The following TAAR5 variants were observed in gnomAD, a reference collection of about 807,000 sequenced individuals.
TAAR5 encodes trace amine associated receptor 5.
Under a neutral mutation model 21.1 loss-of-function variants are expected in TAAR5, and 27 were observed. The ratio of observed to expected loss-of-function variants is 1.28; its 90% confidence interval spans 0.94 to 1.76. TAAR5 has a LOEUF of 1.76. Ranked by LOEUF, TAAR5 falls within the 40% of genes most tolerant of loss-of-function variation. The pLI is 0.00. For missense variants in TAAR5, 495 were observed against 405.6 expected (o/e 1.22, Z -1.89); for synonymous variants, 203 against 167.5 (o/e 1.21, Z -1.64).
At chr6:132,600,352 C>G in the TAAR5 span, among the ~76,000 whole-genome samples, 9 of 152,110 alleles carry the variant, frequency 5.9e-5, no homozygotes, top group Non-Finnish European at 1.3e-4. Context: ...TGGCCAGGTC[C>G]AGGTCCAGGA....
At chr6:132,608,286 G>A in the TAAR5 span, 2 of 439,764 alleles carry the variant, frequency 4.5e-6, no homozygotes, top group Non-Finnish European at 9.0e-6. Context: ...TTTCTGAATG[G>A]GAGCTAAATA....
chr6:132,590,704 G>A (rs1162125934), upstream of TAAR5, among the ~76,000 whole-genome samples: 1 of 152,202 alleles, frequency 6.6e-6, no homozygotes, highest in African/African-American at 2.4e-5. Flanking sequence ...CTATTTGCAA[G>A]TCTCAGTTGT....
the TAAR5 span, among the ~76,000 whole-genome samples, chr6:132,600,239 T>C: frequency 6.6e-6 from 1 of 151,886 alleles, no homozygotes; most frequent in South Asian, 2.1e-4. Context: ...TTTAACTTCT[T>C]TTACCTAAAG....
At chr6:132,590,286 G>A (rs183848927), upstream of TAAR5, among the ~76,000 whole-genome samples, 1 of 152,270 alleles carries the variant, frequency 6.6e-6, no homozygotes, top group African/African-American at 2.4e-5. Context: ...AATTCAGCAT[G>A]CAAATATTAA....
the TAAR5 span, among the ~76,000 whole-genome samples, chr6:132,610,217 A>G: frequency 7.2e-5 from 11 of 152,180 alleles, no homozygotes; most frequent in South Asian, 4.1e-4. Flanking sequence ...TTGCTTCGGA[A>G]TACACATCAA....
chr6:132,597,272 T>G, the TAAR5 span, among the ~76,000 whole-genome samples: 1 of 152,096 alleles, frequency 6.6e-6, no homozygotes, highest in African/African-American at 2.4e-5. Context: ...TAAGTGTTAG[T>G]TTAAGACAAG....
the TAAR5 span, chr6:132,608,800 G>T: frequency 2.0e-5 from 9 of 455,992 alleles, no homozygotes; most frequent in Middle Eastern, 3.3e-4. Flanking sequence ...AGAAAAAAGA[G>T]CAGGAACTGA....
chr6:132,607,918 T>C, the TAAR5 span, among the ~76,000 whole-genome samples: 1 of 152,184 alleles, frequency 6.6e-6, no homozygotes, highest in Non-Finnish European at 1.5e-5. Context: ...AAAAAATTCT[T>C]ATATTGCTTT....
the TAAR5 span, among the ~76,000 whole-genome samples, chr6:132,613,955 T>C: frequency 6.6e-6 from 1 of 152,338 alleles, no homozygotes; most frequent in South Asian, 2.1e-4. Context: ...TATGTATGTA[T>C]GTACAAGCAT....
In TAAR5 at chr6:132,589,605, C is replaced by G; in HGVS notation, c.82G>C (p.Val28Leu). The G allele has an allele frequency of 6.2e-7, 1 of 1,613,966 alleles. No individual in the cohort carries two copies. Among genetic ancestry groups the G allele is most frequent in the East Asian group, 2.2e-5 (1 of 44,848 alleles). Residue 28 changes from valine (V) to leucine (L), a missense_variant, in exon 1 of 1, where the codon GTA becomes CTA. By Grantham distance (32) the Val-to-Leu change is conservative. Coordinates refer to ENST00000258034, the MANE Select transcript of TAAR5 (RefSeq NM_003967.3). ...YQVNGSCPRT[V>L]HTLGIQLVIY... is the part of the protein sequence containing the mutation. The stretch of plus-strand genomic sequence containing the variant: ...ACCAACTGGATGCCCAGAGTATGTA[C>G]TGTCCTGGGGCAAGACCCATTCACC...
At chr6:132,615,877 AACAC>A in the TAAR5 span, among the ~76,000 whole-genome samples, 22,850 of 145,026 alleles carry the variant, frequency 0.16, 3,914 homozygotes, top group African/African-American at 0.43. Flanking sequence ...ACCATGTATA[AACAC>A]ACACACACAC....
chr6:132,593,805 A>AT (rs1302338737), upstream of TAAR5, among the ~76,000 whole-genome samples: 1 of 152,194 alleles, frequency 6.6e-6, no homozygotes, highest in African/African-American at 2.4e-5. Context: ...AGACAGTCCA[A>AT]TTTTATCAAA....
upstream of TAAR5, among the ~76,000 whole-genome samples, chr6:132,591,141 C>G (rs1050394838): frequency 1.3e-5 from 2 of 152,194 alleles, no homozygotes; most frequent in Non-Finnish European, 2.9e-5. Flanking sequence ...CCTAACCTCT[C>G]TCTCTGCTTC....
chr6:132,601,124 G>A, the TAAR5 span, among the ~76,000 whole-genome samples: 1 of 146,206 alleles, frequency 6.8e-6, no homozygotes, highest in African/African-American at 2.5e-5. Context: ...AAGGAGGGAA[G>A]GAGGGAAAGA....
chr6:132,589,153 C>A lies in TAAR5; in HGVS notation c.534G>T (p.Arg178Ser). 1 of 1,610,512 alleles carries A rather than the reference C, an allele frequency of 6.2e-7. No homozygotes were observed. Among genetic ancestry groups the A allele is most frequent in the Non-Finnish European group, 8.5e-7 (1 of 1,178,266 alleles). ...GCATCTCTTCCAGCCACTGGCTGAGCCTTGTCTCTACCACATCTGTGTAGA... is the reference window on the plus strand; with the variant it reads ...GCATCTCTTCCAGCCACTGGCTGAGACTTGTCTCTACCACATCTGTGTAGA... ...LFLYTDVVETRLSQWLEEMPC... is the reference protein window; with the variant it reads ...LFLYTDVVETSLSQWLEEMPC... Residue 178 changes from arginine (R) to serine (S), a missense_variant, in exon 1 of 1, where the codon AGG becomes AGT. Physicochemically the swap from Arg to Ser is moderately radical, Grantham distance 110. Coordinates refer to ENST00000258034, the MANE Select transcript of TAAR5 (RefSeq NM_003967.3).
At chr6:132,591,732 T>C (rs1776910505), upstream of TAAR5, among the ~76,000 whole-genome samples, 1 of 152,190 alleles carries the variant, frequency 6.6e-6, no homozygotes, top group African/African-American at 2.4e-5. Flanking sequence ...GGAATAAGGC[T>C]GAAGAAGAAA....
At position 132,589,443 on chromosome 6, in the gene TAAR5, A is replaced by G; in HGVS notation, c.244T>C (p.Phe82Leu). ...AGGGGCAGCACCAGCAGACCCAGAA[A>G]CATGTCAGCCAGGGCCAGGGAGAGC... is the stretch of plus-strand genomic sequence containing the variant. The part of the protein sequence containing the change: ...LLLSLALADM[F>L]LGLLVLPLST... Residue 82 changes from phenylalanine (F) to leucine (L), a missense_variant, in exon 1 of 1, where the codon TTT becomes CTT. Physicochemically the swap from Phe to Leu is conservative, Grantham distance 22. Coordinates refer to ENST00000258034, the MANE Select transcript of TAAR5 (RefSeq NM_003967.3). 6.2e-7 allele frequency: 1 copy of G among 1,613,964 alleles called. No individual in the cohort carries two copies. The highest frequency in any genetic ancestry group is 8.5e-7 in the Non-Finnish European group (1 of 1,179,892).
At chr6:132,615,785 T>C in the TAAR5 span, among the ~76,000 whole-genome samples, 1 of 151,816 alleles carries the variant, frequency 6.6e-6, no homozygotes, top group African/African-American at 2.4e-5. Context: ...AACTACTCTC[T>C]TCTTGAAAAC....
the TAAR5 span, among the ~76,000 whole-genome samples, chr6:132,595,614 C>T: frequency 1.3e-5 from 2 of 152,154 alleles, no homozygotes; most frequent in Non-Finnish European, 2.9e-5. Context: ...AGGAGCACTG[C>T]TTCCTAAAGC....
Sources: allele counts gnomAD v4.1 joint callset (sites outside exome capture counted in the v4.1 genomes callset), GRCh38; gene constraint gnomAD v4.1.1; transcripts MANE v1.5; gene names NCBI Gene and HGNC (gene_info 2026-07-23, HGNC 2026-07-21).